The following TBC1D9B variants were observed in gnomAD, a reference collection of about 807,000 sequenced individuals.
TBC1D9B encodes the protein TBC1 domain family member 9B, also known as TBC1 domain family, member 9B (with GRAM domain).
A neutral mutation model predicts 121.1 loss-of-function variants in TBC1D9B; 87 were observed. The ratio of observed to expected loss-of-function variants is 0.72; its 90% CI spans 0.60 to 0.86. The LOEUF (loss-of-function observed/expected upper bound fraction) is 0.86, where lower values mean the gene tolerates loss of function less well. Ranked by LOEUF, TBC1D9B falls within the 40% of genes least tolerant of loss-of-function variation. The pLI, the probability that TBC1D9B is intolerant of heterozygous loss-of-function variation, is 0.00. For missense variants in TBC1D9B, 1,540 were observed against 1,628.6 expected (o/e 0.95, Z 0.94); for synonymous variants, 668 against 670.1 (o/e 1.00, Z 0.05).
At position 179,865,741 on chromosome 5, in the gene TBC1D9B, G is replaced by C; in HGVS notation, c.2914+97C>G. 7.2e-7 allele frequency: 1 copy of C among 1,381,816 alleles called. No homozygotes were observed. Among genetic ancestry groups the C allele is most frequent in the Non-Finnish European group, 9.9e-7 (1 of 1,007,434 alleles). 85.6% of individuals were successfully genotyped at this position (1,381,816 alleles called of 1,614,324 possible). A position where few individuals can be genotyped will look rare whatever the true frequency, so the allele number is the denominator to read the frequency against. On this transcript the variant is annotated intron_variant, in intron 19 of 20. Coordinates refer to ENST00000355235, the MANE Select transcript of TBC1D9B (RefSeq NM_015043.4). The surrounding 1 kb of genome is among the most constrained non-coding windows in gnomAD (Gnocchi z 5.1). ...GGGGACGCATCCGCCATCTCCCGGG[G>C]TAGGGGGCTCCCTGGCAGTGACTGG...
At position 179,888,308 on chromosome 5, in the gene TBC1D9B, G is replaced by C. The variant is rs114211551; in HGVS notation, c.1049C>G (p.Thr350Ser). The C allele has an allele frequency of 9.6e-4, 1,546 of 1,611,144 alleles. 13 individuals carry two copies. The African/African-American group carries it at 0.018, about 18-fold the overall frequency. The change falls in exon 7 of 21, where the codon ACC becomes AGC. Residue 350 changes from threonine to serine, a missense_variant. Physicochemically the swap from Thr to Ser is moderately conservative, Grantham distance 58. Transcript: ENST00000355235. ...GGAGCTGTCAGCTTTTTCGACAATG[G>C]TCACCTGAGAAGGTGAAAGAACTCT... The part of the protein sequence containing the change: ...CHLIIPLREV[T>S]IVEKADSSSV...
At chr5:179,873,064 C>A (rs1760250560) in intron 13 of TBC1D9B, 55 bp downstream of exon 13, 1 of 1,612,982 alleles carries the variant, frequency 6.2e-7, no homozygotes, top group Non-Finnish European at 8.5e-7. Flanking sequence ...ATAGCCACCC[C>A]AACCCACATG....
chr5:179,877,696 A>C (rs983439345), intron 10 of TBC1D9B, among the ~76,000 whole-genome samples: 1 of 151,980 alleles, frequency 6.6e-6, no homozygotes, highest in Non-Finnish European at 1.5e-5. Flanking sequence ...AAAGAAAAGA[A>C]AAGAAAATGT....
intron 7 of TBC1D9B, 95 bp from the exon 8 acceptor site, chr5:179,879,884 TGCAAGAAGG>T: frequency 7.2e-7 from 1 of 1,395,622 alleles, no homozygotes; most frequent in East Asian, 2.5e-5. Flanking sequence ...CGGGGCCCGG[TGCAAGAAGG>T]GCCATGGGGG....
Position 179,891,636 on chromosome 5 carries a change from C to T in TBC1D9B, c.837-50G>A. On this transcript the variant is annotated intron_variant, in intron 5 of 20. Transcript: ENST00000355235. The surrounding 1 kb of genome is among the most constrained non-coding windows in gnomAD (Gnocchi z 4.3). Reference sequence around the variant, plus strand: ...GGAGGAAAGGGGACAAGGTCAGGACCAGCACACTCTCAAGGAAGCCTTGGG... The same window carrying T: ...GGAGGAAAGGGGACAAGGTCAGGACTAGCACACTCTCAAGGAAGCCTTGGG... 2 of 1,593,152 alleles carry T rather than the reference C, an allele frequency of 1.3e-6. No homozygotes were observed. The highest frequency in any genetic ancestry group is 1.7e-6 in the Non-Finnish European group (2 of 1,168,882).
In TBC1D9B at chr5:179,879,120, T is replaced by C; in HGVS notation, c.1494A>G (p.Thr498=). ...TCAGGACCAGTGCCCGCGTCTTGGC[T>C]GTGCGGTACATGCACACGCCACGCC... ...EYGRGVCMYR[T]AKTRALVLKG... is the part of the protein sequence containing the mutation. The change falls in exon 9 of 21, where the codon ACA becomes ACG. Residue 498 remains threonine, a synonymous_variant. Transcript: ENST00000355235. 1 of 1,608,142 alleles carries C rather than the reference T, an allele frequency of 6.2e-7. No homozygotes were observed. Among genetic ancestry groups the C allele is most frequent in the South Asian group, 1.1e-5 (1 of 91,006 alleles).
At position 179,895,969 on chromosome 5, in the gene TBC1D9B, C is replaced by T. The variant is rs138530429; in HGVS notation, c.349-1355G>A. Among the ~76,000 whole-genome samples, 464 of 152,340 alleles carry T rather than the reference C, an allele frequency of 3.0e-3. 3 individuals carry two copies. The highest frequency in any genetic ancestry group is 0.011 in the African/African-American group (438 of 41,574). ...CTCCCTCCCCCTTTCTGCCTAAAAG[C>T]TGGATATACGTTCTCCTTTATTGGA... On this transcript the variant is annotated intron_variant, in intron 3 of 20. Coordinates refer to ENST00000355235, the MANE Select transcript of TBC1D9B (RefSeq NM_015043.4).
In TBC1D9B at chr5:179,894,587, G is replaced by A. The variant is rs1336322165; in HGVS notation, c.376C>T (p.Leu126=). 4 of 1,614,118 alleles carry A rather than the reference G, an allele frequency of 2.5e-6. No homozygotes were observed. The highest frequency in any genetic ancestry group is 3.4e-6 in the Non-Finnish European group (4 of 1,180,044). The change falls in exon 4 of 21, where the codon CTG becomes TTG. Residue 126 remains leucine, a synonymous_variant. Transcript: ENST00000355235. ...GGGTCCTCGTCTCCCTGGGGCTGCA[G>A]GTTCTTGTTCTCTTCTGCGATGATT... is the stretch of plus-strand genomic sequence containing the variant. ...HGIIAEENKN[L]QPQGDEDPGK... is the part of the protein sequence containing the mutation.
At chr5:179,866,168 C>T in intron 18 of TBC1D9B, 1 of 410,998 alleles carries the variant, frequency 2.4e-6, no homozygotes, top group Non-Finnish European at 4.5e-6. Flanking sequence ...TCTCAACATG[C>T]TGGTTTTGAC....
chr5:179,893,167 C>T (rs605814), intron 5 of TBC1D9B, 42 bp downstream of exon 5: 2 of 1,558,776 alleles, frequency 1.3e-6, no homozygotes, highest in East Asian at 4.5e-5. Context: ...GTCAGCGAAC[C>T]TGGCTCACAT....
Position 179,879,063 on chromosome 5 carries a change from C to G in TBC1D9B, c.1551G>C (p.Leu517=). 6.2e-7 allele frequency: 1 copy of G among 1,603,540 alleles called. No individual in the cohort carries two copies. The highest frequency in any genetic ancestry group is 8.5e-7 in the Non-Finnish European group (1 of 1,179,856). Residue 517 remains leucine, a synonymous_variant, in exon 9 of 21, where the codon CTG becomes CTC. Transcript: ENST00000355235. The part of the protein sequence containing the change: ...KGIPESLRGE[L]WLLFSGAWNE... ...CCCACTCACCGGAGAAGAGGAGCCACAGCTCTCCCCGGAGGCTCTCAGGGA... is the reference window on the plus strand; with the variant it reads ...CCCACTCACCGGAGAAGAGGAGCCAGAGCTCTCCCCGGAGGCTCTCAGGGA...
intron 14 of TBC1D9B, 35 bp downstream of exon 14, chr5:179,872,857 G>T: frequency 5.6e-6 from 6 of 1,078,500 alleles, no homozygotes; most frequent in Admixed American, 2.0e-5. Context: ...TGCCCCCCCA[G>T]CCCAGCCCCT....
intron 17 of TBC1D9B, chr5:179,869,250 G>A (rs1240354278): frequency 3.7e-6 from 1 of 267,492 alleles, no homozygotes; most frequent in Non-Finnish European, 7.5e-6. Flanking sequence ...ACCCCTCCTT[G>A]GAGCATTGTC....
chr5:179,891,611 G>T lies in TBC1D9B; in HGVS notation c.837-25C>A. The T allele has an allele frequency of 6.2e-7, 1 of 1,608,006 alleles. No homozygotes were observed. On this transcript the variant is annotated intron_variant, in intron 5 of 20. Transcript: ENST00000355235. This position sits in a 1 kb window ranked among gnomAD's most constrained non-coding sequence, Gnocchi z 4.3. ...TCTGGGGAAACAAGGTAGGAGGACA[G>T]GAGGAAAGGGGACAAGGTCAGGACC...
At chr5:179,881,788 G>C (rs1235741247) in intron 7 of TBC1D9B, among the ~76,000 whole-genome samples, 1 of 151,904 alleles carries the variant, frequency 6.6e-6, no homozygotes, top group Non-Finnish European at 1.5e-5. Context: ...TTTTTAAGAT[G>C]TCAGTTCCCT....
In TBC1D9B at chr5:179,879,675, T is replaced by G; in HGVS notation, c.1369A>C (p.Lys457Gln). The change falls in exon 8 of 21, where the codon AAG (lysine) becomes CAG (glutamine). Residue 457 changes from lysine to glutamine, a missense_variant. Lys to Gln is a moderately conservative substitution (Grantham distance 53, BLOSUM62 1). Coordinates refer to ENST00000355235, the MANE Select transcript of TBC1D9B (RefSeq NM_015043.4). ...EAPTASQGLL[K>Q]LFQKNSPMED... is the part of the protein sequence containing the mutation. ...ATGGGCGAGTTTTTCTGGAAGAGCT[T>G]CAGCAGGCCCTGGGATGCGGTTGGC... is the stretch of plus-strand genomic sequence containing the variant. 6.2e-7 allele frequency: 1 copy of G among 1,614,150 alleles called. No homozygotes were observed. Among genetic ancestry groups the G allele is most frequent in the Middle Eastern group, 1.7e-4 (1 of 6,042 alleles).
chr5:179,873,510 G>A (rs1359038737), intron 12 of TBC1D9B, among the ~76,000 whole-genome samples: 1 of 152,204 alleles, frequency 6.6e-6, no homozygotes, highest in Non-Finnish European at 1.5e-5. Context: ...GTCAGTGGGG[G>A]GGTCCCTTGG....
intron 2 of TBC1D9B, among the ~76,000 whole-genome samples, chr5:179,901,571 G>T (rs998048235): frequency 1.3e-5 from 2 of 152,128 alleles, no homozygotes; most frequent in Admixed American, 6.5e-5. Flanking sequence ...AATCGCTTGA[G>T]CCCAGGAGTT....
chr5:179,894,904 C>A (rs1760979012), intron 3 of TBC1D9B, among the ~76,000 whole-genome samples: 1 of 152,188 alleles, frequency 6.6e-6, no homozygotes, highest in South Asian at 2.1e-4. Context: ...ACTCTGTCAC[C>A]CAAGCTGGAG....
Sources: gnomAD v4.1 joint callset for allele counts (sites outside exome capture counted in the v4.1 genomes callset) on GRCh38, gnomAD v4.1.1 for gene constraint, Gnocchi (gnomAD v3.1) non-coding constraint, MANE v1.5 for transcripts, NCBI Gene and HGNC (gene_info 2026-07-23, HGNC 2026-07-21) for gene names.